Variants in CSMD1 observed in about 807,000 individuals in gnomAD.
The protein encoded by CSMD1 is CUB and sushi domain-containing protein 1.
In CSMD1, 213 loss-of-function variants were observed where a neutral mutation model predicts 417.5. The ratio of observed to expected loss-of-function variants is 0.51; its 90% CI spans 0.46 to 0.57. The LOEUF (loss-of-function observed/expected upper bound fraction) is 0.57. Among genes scored for constraint, CSMD1 ranks in the 20% least tolerant of loss-of-function variants. The pLI is 0.00. For missense variants in CSMD1, 6,923 were observed against 4,529.7 expected (o/e 1.53, Z -15.17); for synonymous variants, 2,862 against 1,736.8 (o/e 1.65, Z -16.11).
intron 1 of CSMD1, among the ~76,000 whole-genome samples, chr8:4,960,318 T>A (rs547093962): frequency 6.6e-6 from 1 of 152,188 alleles, no homozygotes. Context: ...TAGACAAGTG[T>A]GTTTAATGTT....
intron 12 of CSMD1, among the ~76,000 whole-genome samples, chr8:3,447,041 A>C (rs1815349858): frequency 6.6e-6 from 1 of 152,224 alleles, no homozygotes; most frequent in African/African-American, 2.4e-5. Flanking sequence ...AAGACAGAAA[A>C]TTCTTAATAA....
rs913415320 is a variant in CSMD1 at position 3,367,321 on chromosome 8, G to A, written c.2900-74C>T. The A allele has an allele frequency of 2.6e-5, 24 of 932,650 alleles. 1 individual carries two copies. The highest frequency in any genetic ancestry group is 2.0e-4 in the South Asian group (14 of 70,526). 57.8% of individuals were successfully genotyped at this position (932,650 alleles called of 1,614,324 possible). A position where few individuals can be genotyped will look rare whatever the true frequency, so the allele number is the denominator to read the frequency against. On this transcript the variant is annotated intron_variant, in intron 19 of 69. Transcript: ENST00000635120. ...GGGGCGGCGGGGGCAGAGAGGGAGC[G>A]GGGCAGAGAGAGACAGAGACATAGA... is the stretch of plus-strand genomic sequence containing the variant.
intron 52 of CSMD1, among the ~76,000 whole-genome samples, chr8:3,000,838 C>G (rs673465): frequency 0.87 from 132,056 of 152,152 alleles, 57,566 homozygotes; most frequent in African/African-American, 0.95. Flanking sequence ...CGCGAGATCG[C>G]GACAGGCGTC....
At chr8:3,982,856 C>A (rs1043654830) in intron 5 of CSMD1, among the ~76,000 whole-genome samples, 1 of 152,286 alleles carries the variant, frequency 6.6e-6, no homozygotes, top group Non-Finnish European at 1.5e-5. Context: ...TCTACGCATA[C>A]CAAGGACAAA....
At chr8:3,093,402 C>T (rs932971714) in intron 47 of CSMD1, among the ~76,000 whole-genome samples, 1 of 152,186 alleles carries the variant, frequency 6.6e-6, no homozygotes, top group Admixed American at 6.5e-5. Flanking sequence ...CATGGTGGCT[C>T]ACACCTGTAA....
intron 5 of CSMD1, among the ~76,000 whole-genome samples, chr8:3,989,008 T>A (rs1271750832): frequency 6.6e-6 from 1 of 151,432 alleles, no homozygotes; most frequent in African/African-American, 2.4e-5. Context: ...GTAAAAACCA[T>A]TGTTCAAAAC....
chr8:4,471,762 G>C (rs993616912), intron 2 of CSMD1, among the ~76,000 whole-genome samples: 5 of 152,068 alleles, frequency 3.3e-5, no homozygotes, highest in African/African-American at 4.8e-5. Flanking sequence ...CATTTCTTTA[G>C]CGTCACAAAG....
At chr8:3,242,460 G>A (rs562692861) in intron 26 of CSMD1, among the ~76,000 whole-genome samples, 67 of 152,200 alleles carry the variant, frequency 4.4e-4, no homozygotes, top group Admixed American at 3.5e-3. Flanking sequence ...ATGCCTGGAC[G>A]TCAGGCACCT....
At chr8:4,164,522 G>A (rs765659810) in intron 3 of CSMD1, among the ~76,000 whole-genome samples, 84 of 152,036 alleles carry the variant, frequency 5.5e-4, no homozygotes, top group Admixed American at 3.1e-3. Context: ...GTCCCCAGGC[G>A]TAAATCTAGA....
intron 10 of CSMD1, 26 bp downstream of exon 10, chr8:3,574,919 C>A (rs1488876709): frequency 6.2e-7 from 1 of 1,609,942 alleles, no homozygotes; most frequent in Admixed American, 1.7e-5. Flanking sequence ...GTGCATTAAC[C>A]ACAGGGGTTG....
intron 25 of CSMD1, among the ~76,000 whole-genome samples, chr8:3,306,019 A>G (rs1021245742): frequency 6.6e-6 from 1 of 152,062 alleles, no homozygotes; most frequent in African/African-American, 2.4e-5. Context: ...CAGAAACACC[A>G]TCCTAAGATG....
chr8:3,457,688 C>G (rs1211480623), intron 12 of CSMD1, among the ~76,000 whole-genome samples: 1 of 152,150 alleles, frequency 6.6e-6, no homozygotes, highest in Non-Finnish European at 1.5e-5. Flanking sequence ...AACAAAGACT[C>G]TTGTTGAGAT....
chr8:4,779,650 T>G (rs1409052983), intron 1 of CSMD1, among the ~76,000 whole-genome samples: 2 of 152,214 alleles, frequency 1.3e-5, no homozygotes, highest in East Asian at 1.9e-4. Context: ...AAGCTGGCTT[T>G]AGCATTTTTA....
intron 1 of CSMD1, among the ~76,000 whole-genome samples, chr8:4,846,519 G>T (rs1340308830): frequency 2.0e-5 from 3 of 152,176 alleles, no homozygotes; most frequent in Admixed American, 6.5e-5. Context: ...AACCGACATT[G>T]CTGTTTTGGT....
At position 3,487,240 on chromosome 8, in the gene CSMD1, C is replaced by G. The variant is rs534307699; in HGVS notation, c.1448+6383G>C. ...TTTTTGAGACAGAGTCTAGCTCTGT[C>G]TCCCAGGCTGGAGTGCAGTGGCGCG... On this transcript the variant is annotated intron_variant, in intron 11 of 69. Coordinates refer to ENST00000635120, the MANE Select transcript of CSMD1 (RefSeq NM_033225.6). 5.3e-5 allele frequency among the ~76,000 whole-genome samples: 8 copies of G among 152,248 alleles called. No individual in the cohort carries two copies. The East Asian group carries it at 1.5e-3, about 29-fold the overall frequency.
At chr8:4,302,761 C>G (rs992633711) in intron 3 of CSMD1, among the ~76,000 whole-genome samples, 3 of 152,158 alleles carry the variant, frequency 2.0e-5, no homozygotes, top group East Asian at 1.9e-4. Context: ...CTGACCCCAA[C>G]TGAGTCCAGG....
chr8:4,932,616 T>C (rs1313792389), intron 1 of CSMD1, among the ~76,000 whole-genome samples: 2 of 152,136 alleles, frequency 1.3e-5, no homozygotes, highest in East Asian at 3.9e-4. Context: ...CCCAACAGGG[T>C]AGCAAGTTGA....
chr8:3,435,667 C>G (rs1404658012), intron 12 of CSMD1, among the ~76,000 whole-genome samples: 1 of 152,178 alleles, frequency 6.6e-6, no homozygotes. Context: ...CACGGTGCCA[C>G]CCACCTTCCG....
chr8:4,078,031 G>A (rs1427939682), intron 3 of CSMD1, among the ~76,000 whole-genome samples: 1 of 152,024 alleles, frequency 6.6e-6, no homozygotes, highest in African/African-American at 2.4e-5. Flanking sequence ...TTCAAGAAAT[G>A]CAATCCACCA....
Sources: gnomAD v4.1 joint callset for allele counts (sites outside exome capture counted in the v4.1 genomes callset) on GRCh38, gnomAD v4.1.1 for gene constraint, MANE v1.5 for transcripts, NCBI Gene and HGNC (gene_info 2026-07-23, HGNC 2026-07-21) for gene names.